Variants in TET1 observed in about 807,000 individuals in gnomAD.
The protein encoded by TET1 is methylcytosine dioxygenase TET1.
Under a neutral mutation model 148.7 loss-of-function variants are expected in TET1, and 13 were observed. The ratio of observed to expected loss-of-function variants is 0.09; its 90% CI spans 0.06 to 0.14. The LOEUF (loss-of-function observed/expected upper bound fraction) is 0.14, where lower values mean the gene tolerates loss of function less well. Among genes scored for constraint, TET1 ranks in the 10% least tolerant of loss-of-function variants. TET1 has a pLI of 1.00. For missense variants in TET1, 2,182 were observed against 2,553.8 expected (o/e 0.85, Z 3.14); for synonymous variants, 907 against 937.2 (o/e 0.97, Z 0.59).
intron 4 of TET1, 85 bp downstream of exon 4, chr10:68,647,090 T>G: frequency 7.1e-7 from 1 of 1,417,256 alleles, no homozygotes; most frequent in South Asian, 1.4e-5. Flanking sequence ...TCATCTTTTT[T>G]GTGTGATATT....
chr10:68,691,494 A>G lies in TET1; in HGVS notation c.6091A>G (p.Thr2031Ala). The part of the protein sequence containing the change: ...ECARRELHAT[T>A]PVEHPNRNHP... ...TGCCCGGCGAGAGCTGCACGCTACC[A>G]CTCCTGTTGAGCACCCCAACCGTAA... is the stretch of plus-strand genomic sequence containing the variant. The change falls in exon 12 of 12, where the codon ACT becomes GCT. Residue 2031 changes from threonine (T) to alanine (A), a missense_variant. This residue lies in a region of TET1 where 20 missense variants were observed against 23.9 expected (regional missense o/e 0.84). Coordinates refer to ENST00000373644, the MANE Select transcript of TET1 (RefSeq NM_030625.3). This position sits in a 1 kb window ranked among gnomAD's most constrained non-coding sequence, Gnocchi z 4.4. 1 of 1,612,014 alleles carries G rather than the reference A, an allele frequency of 6.2e-7. No homozygotes were observed. Among genetic ancestry groups the G allele is most frequent in the Non-Finnish European group, 8.5e-7 (1 of 1,179,440 alleles).
intron 1 of TET1, among the ~76,000 whole-genome samples, chr10:68,569,822 C>T (rs2053647160): frequency 6.6e-6 from 1 of 152,062 alleles, no homozygotes; most frequent in Non-Finnish European, 1.5e-5. Flanking sequence ...CATGAAACTA[C>T]AAGGGGTGTG....
intron 2 of TET1, among the ~76,000 whole-genome samples, chr10:68,593,763 C>T (rs2132848116): frequency 6.6e-6 from 1 of 152,054 alleles, no homozygotes; most frequent in African/African-American, 2.4e-5. Flanking sequence ...CAGGCACCCG[C>T]CACCACGCCC....
intron 3 of TET1, among the ~76,000 whole-genome samples, chr10:68,623,058 T>G (rs1394131882): frequency 6.6e-6 from 1 of 152,220 alleles, no homozygotes; most frequent in Non-Finnish European, 1.5e-5. Flanking sequence ...GTTTCACCTC[T>G]GTAAAATTAC....
intron 6 of TET1, among the ~76,000 whole-genome samples, chr10:68,657,790 G>A (rs12255938): frequency 0.18 from 27,662 of 152,048 alleles, 3,130 homozygotes; most frequent in African/African-American, 0.31. Flanking sequence ...ACTTTAGGTA[G>A]AGGTTGAATG....
rs542995452 is a variant in TET1, at chr10:68,574,020, T to C, written c.1682T>C (p.Val561Ala). ...TSTVHVVNTT[V>A]VTMPVPMVST... ...ACAGTTCATGTTGTCAACACCACAG[T>C]GGTGACTATGCCAGTGCCAATGGTC... The change falls in exon 2 of 12, where the codon GTG (valine) becomes GCG (alanine). Residue 561 changes from valine (V) to alanine (A), a missense_variant. By Grantham distance (64) the Val-to-Ala change is moderately conservative. This residue lies in a region of TET1 where 665 missense variants were observed against 672.4 expected (regional missense o/e 0.99). Coordinates refer to ENST00000373644, the MANE Select transcript of TET1 (RefSeq NM_030625.3). 2 of 1,614,134 alleles carry C rather than the reference T, an allele frequency of 1.2e-6. No individual in the cohort carries two copies. The highest frequency in any genetic ancestry group is 2.2e-5 in the South Asian group (2 of 91,072).
intron 3 of TET1, among the ~76,000 whole-genome samples, chr10:68,634,571 T>A (rs7905792): frequency 0.075 from 11,443 of 152,164 alleles, 693 homozygotes; most frequent in South Asian, 0.2. Flanking sequence ...ACTAGGACCT[T>A]GTTGTTAGAC....
intron 7 of TET1, among the ~76,000 whole-genome samples, chr10:68,671,270 A>T (rs571052465): frequency 1.3e-5 from 2 of 151,940 alleles, no homozygotes; most frequent in African/African-American, 4.8e-5. Flanking sequence ...TCATCACTTA[A>T]CTCCTACTTA....
chr10:68,669,049 T>C (rs1049779532), intron 7 of TET1, among the ~76,000 whole-genome samples: 3 of 151,954 alleles, frequency 2.0e-5, no homozygotes, highest in Non-Finnish European at 2.9e-5. Flanking sequence ...AGCAGGAGGA[T>C]TTCTTGAAAC....
chr10:68,632,932 G>T (rs2054597876), intron 3 of TET1, among the ~76,000 whole-genome samples: 1 of 151,520 alleles, frequency 6.6e-6, no homozygotes, highest in Non-Finnish European at 1.5e-5. Flanking sequence ...CATTTAAATG[G>T]TATTTGAATT....
intron 8 of TET1, among the ~76,000 whole-genome samples, chr10:68,677,715 C>G (rs796539815): frequency 6.6e-6 from 1 of 151,540 alleles, no homozygotes; most frequent in Admixed American, 6.6e-5. Flanking sequence ...GGTGTGATCT[C>G]GGCTCACTGC....
intron 3 of TET1, among the ~76,000 whole-genome samples, chr10:68,625,259 G>A (rs1315893162): frequency 6.6e-6 from 1 of 152,184 alleles, no homozygotes; most frequent in Non-Finnish European, 1.5e-5. Context: ...CCAGTATCTA[G>A]TCCCTATGAT....
At chr10:68,614,117 T>C (rs1192230949) in intron 3 of TET1, among the ~76,000 whole-genome samples, 1 of 152,208 alleles carries the variant, frequency 6.6e-6, no homozygotes, top group African/African-American at 2.4e-5. Flanking sequence ...GATTGGAACA[T>C]TTCATGAGAA....
At chr10:68,655,609 A>T (rs2055009864) in intron 6 of TET1, among the ~76,000 whole-genome samples, 1 of 152,170 alleles carries the variant, frequency 6.6e-6, no homozygotes, top group South Asian at 2.1e-4. Flanking sequence ...ACCTTTTCTA[A>T]TATAATAATA....
chr10:68,580,782 CAAAAAAAAAA>C (rs71483915), intron 2 of TET1, among the ~76,000 whole-genome samples: 3 of 95,294 alleles, frequency 3.1e-5, no homozygotes, highest in South Asian at 3.6e-4. Flanking sequence ...AACTCCATCT[CAAAAAAAAAA>C]AAAAAAAAAA....
At chr10:68,679,170 G>A (rs1589131801) in intron 8 of TET1, among the ~76,000 whole-genome samples, 1 of 152,122 alleles carries the variant, frequency 6.6e-6, no homozygotes, top group Non-Finnish European at 1.5e-5. Flanking sequence ...GCAACAGAGT[G>A]AAACTCTGTC....
chr10:68,569,833 G>C (rs1321575379), intron 1 of TET1, among the ~76,000 whole-genome samples: 1 of 152,068 alleles, frequency 6.6e-6, no homozygotes, highest in Non-Finnish European at 1.5e-5. Flanking sequence ...AAGGGGTGTG[G>C]TTTCTAATGT....
intron 2 of TET1, among the ~76,000 whole-genome samples, chr10:68,600,463 C>T (rs2054040155): frequency 6.6e-6 from 1 of 152,166 alleles, no homozygotes; most frequent in Non-Finnish European, 1.5e-5. Flanking sequence ...GAGAGCCGAG[C>T]CGCACAGGAG....
rs1288093130 is a variant in TET1, at chr10:68,582,096, CTATT to C, written c.1914+7846_1914+7849del. 3.9e-3 allele frequency among the ~76,000 whole-genome samples: 585 copies of C among 148,596 alleles called. 1 individual carries two copies. Among genetic ancestry groups the C allele is most frequent in the African/African-American group, 0.014 (530 of 39,192 alleles). ...TTAAATAGAAGCATATTAGATGACA[CTATT>C]TTTTTTTTTTTTTTATGGAAATGGA... On this transcript the variant is annotated intron_variant, in intron 2 of 11. Coordinates refer to ENST00000373644, the MANE Select transcript of TET1 (RefSeq NM_030625.3).
Sources: gnomAD v4.1 joint callset for allele counts (sites outside exome capture counted in the v4.1 genomes callset) on GRCh38, gnomAD v4.1.1 for gene constraint, gnomAD v4.1.1 regional missense constraint, Gnocchi (gnomAD v3.1) non-coding constraint, MANE v1.5 for transcripts, NCBI Gene and HGNC (gene_info 2026-07-23, HGNC 2026-07-21) for gene names.